DAPK2: variants seen among roughly 807,000 people sequenced by gnomAD.
The protein encoded by DAPK2 is death-associated protein kinase 2.
A neutral mutation model predicts 44.1 loss-of-function variants in DAPK2; 35 were observed. That is an observed-to-expected ratio of 0.79 (90% CI 0.61 to 1.05). The LOEUF (loss-of-function observed/expected upper bound fraction) is 1.05, where lower values mean the gene tolerates loss of function less well. Among genes scored for constraint, DAPK2 ranks in the 50% least tolerant of loss-of-function variants. The probability of loss-of-function intolerance (pLI) is 0.00; values close to 1 mark genes in which losing one functional copy is unlikely to be tolerated. For synonymous variants in DAPK2, 174 were observed against 182.6 expected (o/e 0.95, Z 0.38); for missense variants, 453 against 483.2 (o/e 0.94, Z 0.59).
intron 1 of DAPK2, among the ~76,000 whole-genome samples, chr15:64,036,319 G>GTGTGTATA (rs1437972215): frequency 3.9e-4 from 22 of 56,666 alleles, no homozygotes; most frequent in Admixed American, 8.1e-4. Context: ...GTATATATAT[G>GTGTGTATA]TATATATATA....
chr15:63,964,154 C>T (rs1055569061), intron 3 of DAPK2, among the ~76,000 whole-genome samples: 1 of 152,192 alleles, frequency 6.6e-6, no homozygotes, highest in African/African-American at 2.4e-5. Context: ...ATGACATCCT[C>T]AGATTTTCTT....
intron 1 of DAPK2, among the ~76,000 whole-genome samples, chr15:63,999,364 C>T (rs1244266871): frequency 1.3e-5 from 2 of 152,194 alleles, no homozygotes; most frequent in Non-Finnish European, 2.9e-5. Flanking sequence ...CCAACAGCTG[C>T]TTCTCGTGGA....
At chr15:63,985,326 G>GCCT (rs1446276482) in intron 1 of DAPK2, among the ~76,000 whole-genome samples, 2 of 152,236 alleles carry the variant, frequency 1.3e-5, no homozygotes, top group African/African-American at 4.8e-5. Context: ...GTGGAGCCAG[G>GCCT]CCTCCCAGAG....
At chr15:63,992,824 A>C (rs2078854848) in intron 1 of DAPK2, among the ~76,000 whole-genome samples, 1 of 152,256 alleles carries the variant, frequency 6.6e-6, no homozygotes, top group South Asian at 2.1e-4. Context: ...ATGTATGTTT[A>C]ACAAAAGAAC....
At position 63,912,155 on chromosome 15, in the gene DAPK2, CCA is replaced by C; in HGVS notation, c.899_900del (p.Val300GlyfsTer42). The C allele has an allele frequency of 6.2e-7, 1 of 1,611,154 alleles. No individual in the cohort carries two copies. The highest frequency in any genetic ancestry group is 1.1e-5 in the South Asian group (1 of 90,962). On this transcript the variant is annotated frameshift_variant, in exon 9 of 11. Transcript: ENST00000261891. LOFTEE classifies it high-confidence loss of function. This position sits in a 1 kb window ranked among gnomAD's most constrained non-coding sequence, Gnocchi z 4.4. ...TGCTTCCTGAAGTTCTCCAGATTGA[CCA>C]CAGACTCCCTGCGCACCATGGCTTG...
chr15:64,046,398 G>GA, upstream of DAPK2: 364 of 352,354 alleles, frequency 1.0e-3, no homozygotes, highest in Middle Eastern at 1.4e-3. This position sits in a 1 kb window ranked among gnomAD's most constrained non-coding sequence, Gnocchi z 5.3. Flanking sequence ...GGGAACGGGG[G>GA]ACGCGGCGGG....
At chr15:64,024,867 C>T (rs1488749470) in intron 1 of DAPK2, among the ~76,000 whole-genome samples, 1 of 152,234 alleles carries the variant, frequency 6.6e-6, no homozygotes, top group Non-Finnish European at 1.5e-5. Flanking sequence ...CATCACCCTT[C>T]AAGCCCTGTG....
intron 1 of DAPK2, among the ~76,000 whole-genome samples, chr15:64,030,286 T>TCAAAAAC (rs1327745996): frequency 6.6e-6 from 1 of 151,896 alleles, no homozygotes; most frequent in South Asian, 2.1e-4. Context: ...AAAATCCATC[T>TCAAAAAC]CAAAAACCAA....
In DAPK2 at chr15:63,969,082, C is replaced by T. The variant is rs77617366; in HGVS notation, c.453+2341G>A. Among the ~76,000 whole-genome samples the T allele has an allele frequency of 1.9e-3, 288 of 152,244 alleles. 5 individuals are homozygous for T. In the East Asian group the frequency reaches 0.045, roughly 24 times the overall value. Reference sequence around the variant, plus strand: ...GGTGACCCCCATTTTTACCCTGTGACGCCTCAGTAAAACTCTGGAAGACTT... The same window carrying T: ...GGTGACCCCCATTTTTACCCTGTGATGCCTCAGTAAAACTCTGGAAGACTT... On this transcript the variant is annotated intron_variant, in intron 3 of 10. Coordinates refer to ENST00000261891, the Ensembl canonical transcript of DAPK2.
chr15:63,991,186 G>C (rs1324692786), intron 1 of DAPK2: 6 of 455,442 alleles, frequency 1.3e-5, no homozygotes, highest in Non-Finnish European at 2.7e-5. Context: ...AACAGGTCAG[G>C]GTTTTAGGCC....
Position 64,006,990 on chromosome 15 carries a change from C to T in DAPK2, c.93-23236G>A, listed in dbSNP as rs182238654. Among the ~76,000 whole-genome samples, 13 of 152,268 alleles carry T rather than the reference C, an allele frequency of 8.5e-5. No homozygotes were observed. The South Asian group carries it at 1.5e-3, about 17-fold the overall frequency. On this transcript the variant is annotated intron_variant, in intron 1 of 10. Transcript: ENST00000261891. ...CTTAACTCGGAAAAACCTGCATGGG[C>T]TGCAGGGGAGAGGATCTAAAGGCAG...
chr15:64,019,615 C>T (rs2079627788), intron 1 of DAPK2, among the ~76,000 whole-genome samples: 1 of 152,214 alleles, frequency 6.6e-6, no homozygotes, highest in South Asian at 2.1e-4. Flanking sequence ...AAATCTGTGG[C>T]AATTTCACTG....
At chr15:63,915,063 C>T (rs553110773) in intron 8 of DAPK2, among the ~76,000 whole-genome samples, 3 of 152,354 alleles carry the variant, frequency 2.0e-5, no homozygotes, top group East Asian at 1.9e-4. Context: ...ATAACCTACA[C>T]ATACCCTCCC....
chr15:64,010,039 A>G (rs1461940601), intron 1 of DAPK2, among the ~76,000 whole-genome samples: 3 of 152,202 alleles, frequency 2.0e-5, no homozygotes, highest in African/African-American at 7.2e-5. Flanking sequence ...AAACAAACTG[A>G]GTTCTCTGTA....
intron 3 of DAPK2, among the ~76,000 whole-genome samples, chr15:63,968,670 C>T (rs1462022919): frequency 6.6e-6 from 1 of 152,224 alleles, no homozygotes; most frequent in Non-Finnish European, 1.5e-5. Flanking sequence ...CTAACCCTTA[C>T]AGCTCTGCCA....
At chr15:64,036,319 G>GTGTA (rs1437972215) in intron 1 of DAPK2, among the ~76,000 whole-genome samples, 4 of 56,656 alleles carry the variant, frequency 7.1e-5, no homozygotes, top group South Asian at 4.6e-4. Context: ...GTATATATAT[G>GTGTA]TATATATATA....
At position 64,033,329 on chromosome 15, in the gene DAPK2, A is replaced by AGGAAGGAAGGAAGGAAGG. The variant is rs1158179065; in HGVS notation, c.92+6840_92+6841insCCTTCCTTCCTTCCTTCC. Among the ~76,000 whole-genome samples the AGGAAGGAAGGAAGGAAGG allele has an allele frequency of 1.7e-3, 167 of 99,086 alleles. 1 individual carries two copies. Among genetic ancestry groups the AGGAAGGAAGGAAGGAAGG allele is most frequent in the African/African-American group, 6.9e-3 (160 of 23,064 alleles). 65.0% of individuals were successfully genotyped at this position (99,086 alleles called of 152,430 possible). On this transcript the variant is annotated intron_variant, in intron 1 of 10. Coordinates refer to ENST00000261891, the Ensembl canonical transcript of DAPK2. ...GGAAGGAAGGAAGGAAGGAAGGAAAAAAAAAATAGCTGCTGGGTTAACTCC... is the reference window on the plus strand; with the variant it reads ...GGAAGGAAGGAAGGAAGGAAGGAAAAGGAAGGAAGGAAGGAAGGAAAAAATAGCTGCTGGGTTAACTCC...
At chr15:64,040,357 G>A, upstream of DAPK2, 1 of 976,764 alleles carries the variant, frequency 1.0e-6, no homozygotes, top group Middle Eastern at 2.1e-4. Flanking sequence ...GGCTGCAAGG[G>A]AGCTAATAAT....
rs1444994797 is a variant in DAPK2 at position 63,980,246 on chromosome 15, G to A, written c.314+3287C>T. Among the ~76,000 whole-genome samples, 1 of 152,140 alleles carries A rather than the reference G, an allele frequency of 6.6e-6. No homozygotes were observed. The highest frequency in any genetic ancestry group is 1.5e-5 in the Non-Finnish European group (1 of 68,032). ...AACTGGCTGACCATGAGCCCTGTTG[G>A]GAAAAACACAGACATCTCAAGAGCA... On this transcript the variant is annotated intron_variant, in intron 2 of 10. Coordinates refer to ENST00000261891, the Ensembl canonical transcript of DAPK2. This position sits in a 1 kb window ranked among gnomAD's most constrained non-coding sequence, Gnocchi z 4.3.
Sources: gnomAD v4.1 joint callset for allele counts (sites outside exome capture counted in the v4.1 genomes callset) on GRCh38, gnomAD v4.1.1 for gene constraint, Gnocchi (gnomAD v3.1) non-coding constraint, MANE v1.5 for transcripts, NCBI Gene and HGNC (gene_info 2026-07-23, HGNC 2026-07-21) for gene names.